Variants in DHRSX observed in about 807,000 individuals in gnomAD.
DHRSX encodes dehydrogenase/reductase X-linked.
A neutral mutation model predicts 34.0 loss-of-function variants in DHRSX; 31 were observed. That is an observed-to-expected ratio of 0.91 (90% CI 0.69 to 1.23). The LOEUF is 1.23. Among genes scored for constraint, DHRSX ranks in the 50% most tolerant of loss-of-function variants. DHRSX has a pLI of 0.00. For missense variants in DHRSX, 414 were observed against 428.1 expected, an observed-to-expected ratio of 0.97 and a Z score of 0.29; for synonymous variants, 201 against 183.8, an observed-to-expected ratio of 1.09 and a Z score of -0.76.
intron 3 of DHRSX, among the ~76,000 whole-genome samples, chrX:2,380,932 T>A (rs2043194955): frequency 6.6e-6 from 1 of 152,004 alleles, no homozygotes; most frequent in Non-Finnish European, 1.5e-5. Flanking sequence ...TGGTGTGATC[T>A]CGGCTCACTG....
intron 3 of DHRSX, among the ~76,000 whole-genome samples, chrX:2,364,304 T>C (rs186140432): frequency 1.7e-3 from 258 of 152,276 alleles, no homozygotes; most frequent in Non-Finnish European, 3.2e-3. Context: ...GTGGGGGGTA[T>C]AGTGGGTACA....
chrX:2,373,746 A>AC (rs201494285), intron 3 of DHRSX, among the ~76,000 whole-genome samples: 5,327 of 152,196 alleles, frequency 0.035, 233 homozygotes, highest in East Asian at 0.11. Flanking sequence ...GACAGTTCGC[A>AC]CCCACATAGA....
chrX:2,406,064 C>G (rs1258354538), intron 3 of DHRSX, among the ~76,000 whole-genome samples: 1 of 152,080 alleles, frequency 6.6e-6, no homozygotes, highest in Non-Finnish European at 1.5e-5. Flanking sequence ...GAGGCTGAGG[C>G]GAACGGATCA....
chrX:2,384,328 A>G (rs1255698748), intron 3 of DHRSX, among the ~76,000 whole-genome samples: 6 of 152,204 alleles, frequency 3.9e-5, no homozygotes, highest in Non-Finnish European at 8.8e-5. Flanking sequence ...TGTAGGAGGC[A>G]GGAGTTTGGA....
chrX:2,492,157 G>A (rs1273872455), intron 1 of DHRSX, among the ~76,000 whole-genome samples: 1 of 152,168 alleles, frequency 6.6e-6, no homozygotes, highest in Admixed American at 6.6e-5. Context: ...GTATCCACCT[G>A]GTACTTGTGT....
At position 2,376,621 on chromosome X, in the gene DHRSX, A is replaced by T. The variant is rs1408988778; in HGVS notation, c.286+32124T>A. ...CACTAGAGTAGTGTCATTGCATACA[A>T]CTAGGTTGTCATTGCATACAATTAG... On this transcript the variant is annotated intron_variant, in intron 3 of 6. Coordinates refer to ENST00000334651, the MANE Select transcript of DHRSX (RefSeq NM_145177.3). 1.5e-5 allele frequency among the ~76,000 whole-genome samples: 2 copies of T among 137,642 alleles called. 1 individual carries two copies. Among genetic ancestry groups the T allele is most frequent in the Non-Finnish European group, 3.4e-5 (2 of 58,320 alleles). 90.3% of individuals were successfully genotyped at this position (137,642 alleles called of 152,430 possible).
chrX:2,251,532 A>G, intron 5 of DHRSX, among the ~76,000 whole-genome samples: 1 of 152,278 alleles, frequency 6.6e-6, no homozygotes, highest in Admixed American at 6.5e-5. Context: ...ACAGAATGTG[A>G]GGTCCCATTC....
At chrX:2,251,835 G>C (rs1240419341) in intron 5 of DHRSX, among the ~76,000 whole-genome samples, 1 of 152,058 alleles carries the variant, frequency 6.6e-6, no homozygotes, top group South Asian at 2.1e-4. Context: ...GTGACAAGGG[G>C]GTCCTTAGCC....
At chrX:2,324,413 CA>C (rs2042351595) in intron 3 of DHRSX, among the ~76,000 whole-genome samples, 1 of 152,176 alleles carries the variant, frequency 6.6e-6, no homozygotes, top group African/African-American at 2.4e-5. Context: ...TCGGGGCCCC[CA>C]CTTCTTCAGC....
chrX:2,485,076 TCA>T (rs2044852982), intron 1 of DHRSX, among the ~76,000 whole-genome samples: 2 of 152,162 alleles, frequency 1.3e-5, no homozygotes, highest in Non-Finnish European at 1.5e-5. Flanking sequence ...AACAACCAGC[TCA>T]GAGTTAGGGC....
At chrX:2,490,450 G>A (rs1308990282) in intron 1 of DHRSX, 12 of 1,613,962 alleles carry the variant, frequency 7.4e-6, no homozygotes, top group Middle Eastern at 1.7e-4. Context: ...AGGCGGTGGC[G>A]AAGGCTTCAC....
chrX:2,490,807 G>T, intron 1 of DHRSX: 4 of 1,532,150 alleles, frequency 2.6e-6, no homozygotes, highest in Non-Finnish European at 3.5e-6. Flanking sequence ...GCATGAGAAG[G>T]GACCCAGGCA....
At chrX:2,323,779 T>C (rs1239317378) in intron 3 of DHRSX, among the ~76,000 whole-genome samples, 1 of 144,410 alleles carries the variant, frequency 6.9e-6, no homozygotes. Context: ...GAAAAAATCA[T>C]CATTATCGTC....
At chrX:2,345,987 G>C (rs1202381010) in intron 3 of DHRSX, among the ~76,000 whole-genome samples, 1 of 152,100 alleles carries the variant, frequency 6.6e-6, no homozygotes, top group Non-Finnish European at 1.5e-5. Context: ...TCTTGACTCA[G>C]ACACACAGTT....
At position 2,482,327 on chromosome X, in the gene DHRSX, G is replaced by T. The variant is rs1715406; in HGVS notation, c.109+18490C>A. Among the ~76,000 whole-genome samples the T allele has an allele frequency of 6.2e-4, 94 of 152,030 alleles. 1 individual carries two copies. The highest frequency in any genetic ancestry group is 1.8e-3 in the African/African-American group (75 of 41,448). The stretch of plus-strand genomic sequence containing the variant: ...TATTGTTACTAGAGACAAGGTCTCA[G>T]TATGTTGACCAGGCTGGTCTCAAAC... On this transcript the variant is annotated intron_variant, in intron 1 of 6. Coordinates refer to ENST00000334651, the MANE Select transcript of DHRSX (RefSeq NM_145177.3).
intron 6 of DHRSX, among the ~76,000 whole-genome samples, chrX:2,226,181 T>C (rs67739258): frequency 0.87 from 131,912 of 152,120 alleles, 57,728 homozygotes; most frequent in African/African-American, 0.96. Flanking sequence ...TGACTGGGAT[T>C]GGCGCAGGCT....
rs1460941074 is a variant in DHRSX at position 2,369,221 on chromosome X, T to C, written c.286+39524A>G. ...TGTTGAGAGACAGTGGCTAAGCTGATGTGGAAATAACACAAGAAATCTTGT... is the reference window on the plus strand; with the variant it reads ...TGTTGAGAGACAGTGGCTAAGCTGACGTGGAAATAACACAAGAAATCTTGT... On this transcript the variant is annotated intron_variant, in intron 3 of 6. Coordinates refer to ENST00000334651, the MANE Select transcript of DHRSX (RefSeq NM_145177.3). Among the ~76,000 whole-genome samples the C allele has an allele frequency of 3.9e-5, 6 of 152,188 alleles. No homozygotes were observed. The East Asian group carries it at 1.2e-3, about 29-fold the overall frequency.
chrX:2,432,772 C>A (rs1178725960), intron 1 of DHRSX, among the ~76,000 whole-genome samples: 1 of 152,132 alleles, frequency 6.6e-6, no homozygotes, highest in East Asian at 1.9e-4. Context: ...AAAGAAAATG[C>A]TTCCTAAACG....
At chrX:2,425,383 A>C in intron 1 of DHRSX, 79 bp from the exon 2 acceptor site, 1 of 1,240,408 alleles carries the variant, frequency 8.1e-7, no homozygotes, top group South Asian at 1.2e-5. Flanking sequence ...GCCTCCAGAG[A>C]GGCAAGATGC....
Sources: gnomAD v4.1 joint callset for allele counts (sites outside exome capture counted in the v4.1 genomes callset) on GRCh38, gnomAD v4.1.1 for gene constraint, MANE v1.5 for transcripts, NCBI Gene and HGNC (gene_info 2026-07-23, HGNC 2026-07-21) for gene names.